CKAP2L: variants seen among roughly 807,000 people sequenced by gnomAD.
CKAP2L encodes cytoskeleton-associated protein 2-like.
A neutral mutation model predicts 65.7 loss-of-function variants in CKAP2L; 42 were observed. The ratio of observed to expected loss-of-function variants is 0.64; its 90% CI spans 0.50 to 0.83. The LOEUF (loss-of-function observed/expected upper bound fraction) is 0.83. CKAP2L is among the 40% of genes least tolerant of loss of function. The pLI, the probability that CKAP2L is intolerant of heterozygous loss-of-function variation, is 0.00. For missense variants in CKAP2L, 908 were observed against 871.0 expected, an observed-to-expected ratio of 1.04 and a Z score of -0.53; for synonymous variants, 325 against 313.5, an observed-to-expected ratio of 1.04 and a Z score of -0.39.
chr2:112,746,666 ATTGGT>A (rs1680211627), intron 5 of CKAP2L, 91 bp from the exon 6 acceptor site: 3 of 983,232 alleles, frequency 3.1e-6, no homozygotes, highest in Non-Finnish European at 2.9e-6. Flanking sequence ...GTATGCAGAA[ATTGGT>A]TTGATCACTA....
intron 2 of CKAP2L, among the ~76,000 whole-genome samples, chr2:112,761,235 C>A (rs964812704): frequency 1.3e-5 from 2 of 151,808 alleles, no homozygotes; most frequent in Non-Finnish European, 2.9e-5. Context: ...CCAAGGCAGG[C>A]GGATCATGAG....
chr2:112,742,359 G>A, intron 7 of CKAP2L: 1 of 716,814 alleles, frequency 1.4e-6, no homozygotes, highest in Non-Finnish European at 2.6e-6. Context: ...GTATGTTGGT[G>A]GGTTTATTAT....
At position 112,743,006 on chromosome 2, in the gene CKAP2L, T is replaced by C. The variant is rs113481698; in HGVS notation, c.1759-237A>G. On this transcript the variant is annotated intron_variant, in intron 6 of 8. Transcript: ENST00000302450. ...ACTTAATGAACAGATGTATTTAAAGTTGTCCATAATGTAATTTGTCTACAT... is the reference window on the plus strand; with the variant it reads ...ACTTAATGAACAGATGTATTTAAAGCTGTCCATAATGTAATTTGTCTACAT... 363 of 491,224 alleles carry C rather than the reference T, an allele frequency of 7.4e-4. 1 individual carries two copies. The highest frequency in any genetic ancestry group is 6.4e-3 in the African/African-American group (330 of 51,910). The allele number at this position is 491,224 out of a possible 1,614,324, so 30.4% of individuals were successfully genotyped here. A position where few individuals can be genotyped will look rare whatever the true frequency, so the allele number is the denominator to read the frequency against.
At chr2:112,744,126 G>GC (rs539629247) in intron 6 of CKAP2L, among the ~76,000 whole-genome samples, 5 of 152,160 alleles carry the variant, frequency 3.3e-5, no homozygotes, top group Non-Finnish European at 7.3e-5. Flanking sequence ...CATTCATCAA[G>GC]CATATTTTAT....
intron 5 of CKAP2L, among the ~76,000 whole-genome samples, chr2:112,750,269 T>G (rs957149427): frequency 2.0e-5 from 3 of 152,222 alleles, no homozygotes; most frequent in Non-Finnish European, 4.4e-5. Context: ...GCACCCACAC[T>G]CCTTCTGATC....
At chr2:112,744,043 T>C (rs1189785563) in intron 6 of CKAP2L, among the ~76,000 whole-genome samples, 2 of 152,198 alleles carry the variant, frequency 1.3e-5, no homozygotes, top group African/African-American at 2.4e-5. Flanking sequence ...AAATCCAAAA[T>C]AGAATTATGA....
rs184881166 is a variant in CKAP2L at position 112,742,058 on chromosome 2, G to A, written c.1822+648C>T. Among the ~76,000 whole-genome samples, 364 of 151,086 alleles carry A rather than the reference G, an allele frequency of 2.4e-3. 1 individual carries two copies. The highest frequency in any genetic ancestry group is 8.5e-3 in the African/African-American group (348 of 41,142). The stretch of plus-strand genomic sequence containing the variant: ...ACCTGCCTTGGCCTCCCAAAGTGCC[G>A]GGATTACAGGCGTGAGCTACCGTAT... On this transcript the variant is annotated intron_variant, in intron 7 of 8. Coordinates refer to ENST00000302450, the MANE Select transcript of CKAP2L (RefSeq NM_152515.5).
At chr2:112,759,706 A>C (rs1384059216) in intron 3 of CKAP2L, among the ~76,000 whole-genome samples, 3 of 152,150 alleles carry the variant, frequency 2.0e-5, no homozygotes, top group Non-Finnish European at 4.4e-5. Context: ...CCTTATATAC[A>C]TTTTGCTATC....
At chr2:112,753,620 TG>T (rs1680447409) in intron 4 of CKAP2L, among the ~76,000 whole-genome samples, 2 of 147,476 alleles carry the variant, frequency 1.4e-5, no homozygotes. Context: ...CTCCGCCTCC[TG>T]GGTTCAAGTG....
chr2:112,751,312 A>G (rs1680365678), intron 5 of CKAP2L, among the ~76,000 whole-genome samples: 1 of 152,200 alleles, frequency 6.6e-6, no homozygotes, highest in African/African-American at 2.4e-5. Flanking sequence ...AAGAATTGCA[A>G]CTCACAAAAA....
intron 3 of CKAP2L, 140 bp downstream of exon 3, chr2:112,760,573 T>C: frequency 1.9e-6 from 1 of 519,534 alleles, no homozygotes; most frequent in Non-Finnish European, 3.4e-6. Context: ...AATGATTGTC[T>C]CTTATTAAAC....
Position 112,738,777 on chromosome 2 carries a change from C to A in CKAP2L, c.*46G>T. Reference sequence around the variant, plus strand: ...TCACTTGGACAAGAATATTTCTTGTCTTATGTTGGTTCTGAAACACCTTTT... The same window carrying A: ...TCACTTGGACAAGAATATTTCTTGTATTATGTTGGTTCTGAAACACCTTTT... On this transcript the variant is annotated 3_prime_UTR_variant, in exon 9 of 9. Coordinates refer to ENST00000302450, the MANE Select transcript of CKAP2L (RefSeq NM_152515.5). The A allele has an allele frequency of 7.8e-7, 1 of 1,288,378 alleles. No homozygotes were observed. Among genetic ancestry groups the A allele is most frequent in the South Asian group, 1.2e-5 (1 of 83,344 alleles). 79.8% of individuals were successfully genotyped at this position (1,288,378 alleles called of 1,614,324 possible).
At chr2:112,755,833 T>C (rs1038820318) in intron 4 of CKAP2L, 144 bp downstream of exon 4, 12 of 746,980 alleles carry the variant, frequency 1.6e-5, no homozygotes, top group East Asian at 2.6e-5. Context: ...ATATTTGTTA[T>C]ATTTGCTTCA....
chr2:112,762,537 C>G lies in CKAP2L; in HGVS notation c.70G>C (p.Ala24Pro). The G allele has an allele frequency of 3.7e-6, 6 of 1,614,074 alleles. No individual in the cohort carries two copies. Among genetic ancestry groups the G allele is most frequent in the Non-Finnish European group, 5.1e-6 (6 of 1,179,932 alleles). The change falls in exon 2 of 9, where the codon GCA becomes CCA. Residue 24 changes from alanine to proline, a missense_variant. By Grantham distance (27) the Ala-to-Pro change is conservative. Transcript: ENST00000302450. The part of the protein sequence containing the change: ...ERQRKLQEYL[A>P]AKGKLKSQNT... ...TGGCTCTTCAGTTTTCCCTTGGCTG[C>G]AAGGTACTCCTGAAGCTTTCTCTGC... is the stretch of plus-strand genomic sequence containing the variant.
chr2:112,751,818 C>A (rs962495086), intron 5 of CKAP2L, among the ~76,000 whole-genome samples: 3 of 152,224 alleles, frequency 2.0e-5, no homozygotes, highest in Non-Finnish European at 4.4e-5. Context: ...TCTGCAGAAT[C>A]CAAGATAAAA....
In CKAP2L at chr2:112,756,065, C is replaced by A; in HGVS notation, c.1306G>T (p.Ala436Ser). The A allele has an allele frequency of 1.2e-6, 2 of 1,613,966 alleles. No individual in the cohort carries two copies. The highest frequency in any genetic ancestry group is 2.2e-5 in the South Asian group (2 of 91,036). ...VPQNHFLNKT[A>S]PKTQADVTTV... ...GTGACATCAGCTTGAGTTTTGGGAG[C>A]TGTCTTGTTCAGAAAATGGTTCTGG... is the stretch of plus-strand genomic sequence containing the variant. Residue 436 changes from alanine (A) to serine (S), a missense_variant, in exon 4 of 9, where the codon GCT (alanine) becomes TCT (serine). Ala to Ser is a moderately conservative substitution (Grantham distance 99, BLOSUM62 1). Coordinates refer to ENST00000302450, the MANE Select transcript of CKAP2L (RefSeq NM_152515.5).
At chr2:112,753,473 T>A (rs953618843) in intron 4 of CKAP2L, among the ~76,000 whole-genome samples, 1 of 151,400 alleles carries the variant, frequency 6.6e-6, no homozygotes, top group African/African-American at 2.4e-5. Context: ...ATCACACTAG[T>A]CTCCCTGTCA....
Position 112,738,776 on chromosome 2 carries a change from T to C in CKAP2L, c.*47A>G. On this transcript the variant is annotated 3_prime_UTR_variant, in exon 9 of 9. Coordinates refer to ENST00000302450, the MANE Select transcript of CKAP2L (RefSeq NM_152515.5). The stretch of plus-strand genomic sequence containing the variant: ...GTCACTTGGACAAGAATATTTCTTG[T>C]CTTATGTTGGTTCTGAAACACCTTT... 1.6e-6 allele frequency: 2 copies of C among 1,272,058 alleles called. No homozygotes were observed. The highest frequency in any genetic ancestry group is 2.3e-6 in the Non-Finnish European group (2 of 872,266). 78.8% of individuals were successfully genotyped at this position (1,272,058 alleles called of 1,614,324 possible). A position where few individuals can be genotyped will look rare whatever the true frequency, so the allele number is the denominator to read the frequency against.
Position 112,756,520 on chromosome 2 carries a change from C to A in CKAP2L, c.851G>T (p.Arg284Leu). The A allele has an allele frequency of 6.2e-7, 1 of 1,608,748 alleles. No individual in the cohort carries two copies. Among genetic ancestry groups the A allele is most frequent in the Non-Finnish European group, 8.5e-7 (1 of 1,177,904 alleles). ...TGATGACTGAACTTTACTAAGGGTCCGAATAAAGTGAGAGGGAACCGTCCT... is the reference window on the plus strand; with the variant it reads ...TGATGACTGAACTTTACTAAGGGTCAGAATAAAGTGAGAGGGAACCGTCCT... ...PSRTVPSHFI[R>L]TLSKVQSSKK... The change falls in exon 4 of 9, where the codon CGG (arginine) becomes CTG (leucine). Residue 284 changes from arginine to leucine, a missense_variant. By Grantham distance (102) the Arg-to-Leu change is moderately radical. Coordinates refer to ENST00000302450, the MANE Select transcript of CKAP2L (RefSeq NM_152515.5).
Sources: allele counts gnomAD v4.1 joint callset (sites outside exome capture counted in the v4.1 genomes callset), GRCh38; gene constraint gnomAD v4.1.1; transcripts MANE v1.5; gene names NCBI Gene and HGNC (gene_info 2026-07-23, HGNC 2026-07-21).